ATP2B4: variants seen among roughly 807,000 people sequenced by gnomAD.
ATP2B4 encodes ATPase plasma membrane Ca2+ transporting 4.
Under a neutral mutation model 110.3 loss-of-function variants are expected in ATP2B4, and 39 were observed. The observed-to-expected ratio is 0.35, with a 90% CI of 0.27 to 0.46. The LOEUF (loss-of-function observed/expected upper bound fraction) is 0.46. ATP2B4 is among the 20% of genes least tolerant of loss of function. The pLI, the probability that ATP2B4 is intolerant of heterozygous loss-of-function variation, is 1.00. For missense variants in ATP2B4, 1,135 were observed against 1,530.9 expected, an observed-to-expected ratio of 0.74 and a Z score of 4.32; for synonymous variants, 538 against 571.7, an observed-to-expected ratio of 0.94 and a Z score of 0.84.
At chr1:203,652,737 G>T (rs1269543195) in intron 1 of ATP2B4, among the ~76,000 whole-genome samples, 1 of 152,120 alleles carries the variant, frequency 6.6e-6, no homozygotes, top group Non-Finnish European at 1.5e-5. Flanking sequence ...TAATAGAATT[G>T]TTTTGGGGTG....
At chr1:203,687,994 G>GATGATT (rs374652843) in intron 2 of ATP2B4, among the ~76,000 whole-genome samples, 2,022 of 138,634 alleles carry the variant, frequency 0.015, 34 homozygotes, top group African/African-American at 0.047. Context: ...GAGAGAAAGA[G>GATGATT]ATTATTATTA....
At chr1:203,628,760 C>G (rs1252899094) in intron 1 of ATP2B4, among the ~76,000 whole-genome samples, 1 of 152,140 alleles carries the variant, frequency 6.6e-6, no homozygotes, top group Admixed American at 6.5e-5. Context: ...CTGGGCCAGG[C>G]CCAGGAAAGC....
At chr1:203,736,742 G>C (rs749568940) in intron 20 of ATP2B4, among the ~76,000 whole-genome samples, 19 of 152,320 alleles carry the variant, frequency 1.2e-4, no homozygotes, top group Non-Finnish European at 2.8e-4. Flanking sequence ...CACTAGCCCT[G>C]TCTTGTCCCC....
At chr1:203,666,643 A>G (rs1254999182) in intron 1 of ATP2B4, among the ~76,000 whole-genome samples, 2 of 152,106 alleles carry the variant, frequency 1.3e-5, no homozygotes, top group Non-Finnish European at 2.9e-5. Context: ...GGGCCTTATA[A>G]TCCTACAAAT....
intron 1 of ATP2B4, among the ~76,000 whole-genome samples, chr1:203,672,367 T>G (rs553334288): frequency 1.1e-3 from 140 of 128,722 alleles, no homozygotes; most frequent in African/African-American, 3.9e-3. Flanking sequence ...AAAGCTGATT[T>G]AGGGGGTTGG....
intron 1 of ATP2B4, among the ~76,000 whole-genome samples, chr1:203,678,801 C>A (rs1311659226): frequency 6.6e-6 from 1 of 152,120 alleles, no homozygotes; most frequent in African/African-American, 2.4e-5. Flanking sequence ...GAGCACCAGG[C>A]AGTCAAGACC....
chr1:203,712,402 C>T (rs1478466335), intron 13 of ATP2B4, among the ~76,000 whole-genome samples: 1 of 151,990 alleles, frequency 6.6e-6, no homozygotes, highest in Non-Finnish European at 1.5e-5. Context: ...ACCATCCTGG[C>T]CAACATGGTG....
intron 1 of ATP2B4, among the ~76,000 whole-genome samples, chr1:203,682,092 C>T (rs1057137203): frequency 6.6e-6 from 1 of 152,168 alleles, no homozygotes; most frequent in Non-Finnish European, 1.5e-5. Context: ...TTTCCGTACA[C>T]CTGGAGGCTG....
intron 1 of ATP2B4, chr1:203,657,349 A>C: frequency 1.3e-6 from 1 of 745,644 alleles, no homozygotes; most frequent in Non-Finnish European, 2.5e-6. Flanking sequence ...ACAACTTTTA[A>C]TACGTCTGTT....
At chr1:203,650,519 G>A (rs1283524133) in intron 1 of ATP2B4, among the ~76,000 whole-genome samples, 1 of 152,222 alleles carries the variant, frequency 6.6e-6, no homozygotes, top group Non-Finnish European at 1.5e-5. Flanking sequence ...GGCCTCCAGG[G>A]CTAAGGCGTT....
rs971047839 is a variant in ATP2B4, at chr1:203,661,065, G to A, written c.-464-21677G>A. On this transcript the variant is annotated intron_variant, in intron 1 of 20. Transcript: ENST00000357681. ...GCAGAGGTTACAGTGAGCTGAGATC[G>A]CGCCACTGCACTCCAGCCAGAGCAA... Among the ~76,000 whole-genome samples, 37 of 151,852 alleles carry A rather than the reference G, an allele frequency of 2.4e-4. 1 individual carries two copies. Among genetic ancestry groups the A allele is most frequent in the Admixed American group, 1.0e-3 (16 of 15,240 alleles).
chr1:203,727,119 A>G (rs955137610), intron 19 of ATP2B4, among the ~76,000 whole-genome samples: 1 of 152,222 alleles, frequency 6.6e-6, no homozygotes, highest in African/African-American at 2.4e-5. Context: ...AGGAAAATGA[A>G]GTATATGACC....
chr1:203,711,846 C>T lies in ATP2B4; in HGVS notation c.2032-114C>T, dbSNP rs879076135. ...ACCAGACCTAGCCCATGCTGCATGG[C>T]ACCACTTCTAGGGTGCCTTTCTCCT... On this transcript the variant is annotated intron_variant, in intron 12 of 20. Coordinates refer to ENST00000357681, the MANE Select transcript of ATP2B4 (RefSeq NM_001684.5). The T allele has an allele frequency of 8.2e-6, 10 of 1,212,920 alleles. No individual in the cohort carries two copies. The South Asian group carries it at 1.1e-4, about 14-fold the overall frequency. The allele number at this position is 1,212,920 out of a possible 1,614,324, so 75.1% of individuals were successfully genotyped here. A position where few individuals can be genotyped will look rare whatever the true frequency, so the allele number is the denominator to read the frequency against.
Position 203,666,856 on chromosome 1 carries a change from T to A in ATP2B4, c.-464-15886T>A, listed in dbSNP as rs1187258532. On this transcript the variant is annotated intron_variant, in intron 1 of 20. Transcript: ENST00000357681. ...CTTCTGTTTGTGGTCTTGGAAACCA[T>A]GACAACCTGGCCTAAGAAGCCACTT... is the stretch of plus-strand genomic sequence containing the variant. Among the ~76,000 whole-genome samples, 115 of 152,364 alleles carry A rather than the reference T, an allele frequency of 7.5e-4. 1 individual carries two copies. The highest frequency in any genetic ancestry group is 1.2e-4 in the Non-Finnish European group (8 of 68,036).
intron 18 of ATP2B4, among the ~76,000 whole-genome samples, chr1:203,723,457 T>TCTCCCCCTCC (rs1666406338): frequency 3.5e-5 from 4 of 113,502 alleles, no homozygotes; most frequent in South Asian, 6.6e-4. Context: ...TCTCTCTCTC[T>TCTCCCCCTCC]CTCCCTCTGC....
intron 2 of ATP2B4, among the ~76,000 whole-genome samples, chr1:203,691,322 T>A (rs1039365831): frequency 1.3e-5 from 2 of 152,350 alleles, no homozygotes; most frequent in Non-Finnish European, 2.9e-5. Context: ...CATTCCCTCC[T>A]TGGGTGAAGC....
rs1046627142 is a variant in ATP2B4 at position 203,710,901 on chromosome 1, A to T, written c.1824A>T (p.Lys608Asn). 1.2e-6 allele frequency: 2 copies of T among 1,613,874 alleles called. No individual in the cohort carries two copies. Among genetic ancestry groups the T allele is most frequent in the Admixed American group, 3.3e-5 (2 of 59,968 alleles). Residue 608 changes from lysine (K) to asparagine (N), a missense_variant, in exon 12 of 21, where the codon AAA (lysine) becomes AAT (asparagine). Physicochemically the swap from Lys to Asn is moderately conservative, Grantham distance 94. This residue lies in a region of ATP2B4 where 368 missense variants were observed against 455.9 expected (regional missense o/e 0.81). Transcript: ENST00000357681. The part of the protein sequence containing the change: ...LRKCNRILDR[K>N]GEAVPFKNKD... ...GGTGTAATCGAATCCTGGACCGGAA[A>T]GGGGAAGCAGTGCCATTCAAGAATA... is the stretch of plus-strand genomic sequence containing the variant.
At chr1:203,701,019 GA>G in intron 6 of ATP2B4, 96 bp downstream of exon 6, 1 of 1,437,966 alleles carries the variant, frequency 7.0e-7, no homozygotes, top group Non-Finnish European at 9.3e-7. Context: ...ATGGTTGGAA[GA>G]ATCTGCTGCC....
rs928639991 is a variant in ATP2B4, at chr1:203,742,738, T to C, written c.*2884T>C. The stretch of plus-strand genomic sequence containing the variant: ...GGATTTGTGTTTCTTGAAGAATAGC[T>C]GGCAGAGTGGTATAAAAGACACGAA... On this transcript the variant is annotated 3_prime_UTR_variant, in exon 21 of 21. Transcript: ENST00000357681. The C allele has an allele frequency of 6.6e-6, 1 of 152,192 alleles. No homozygotes were observed. The highest frequency in any genetic ancestry group is 2.4e-5 in the African/African-American group (1 of 41,428). The allele number at this position is 152,192 out of a possible 1,614,324, so 9.4% of individuals were successfully genotyped here. A position where few individuals can be genotyped will look rare whatever the true frequency, so the allele number is the denominator to read the frequency against.
Sources: allele counts gnomAD v4.1 joint callset (sites outside exome capture counted in the v4.1 genomes callset), GRCh38; gene constraint gnomAD v4.1.1; regional missense constraint gnomAD v4.1.1; transcripts MANE v1.5; gene names NCBI Gene and HGNC (gene_info 2026-07-23, HGNC 2026-07-21).